Variants in DNAJC11 observed in about 807,000 individuals in gnomAD.
DNAJC11 encodes the protein dnaJ homolog subfamily C member 11.
Under a neutral mutation model 78.6 loss-of-function variants are expected in DNAJC11, and 15 were observed. The observed-to-expected ratio is 0.19, with a 90% CI of 0.13 to 0.29. The LOEUF (loss-of-function observed/expected upper bound fraction) is 0.29, where lower values mean the gene tolerates loss of function less well. Ranked by LOEUF, DNAJC11 falls within the 10% of genes least tolerant of loss-of-function variation. The probability of loss-of-function intolerance (pLI) is 1.00; values close to 1 mark genes in which losing one functional copy is unlikely to be tolerated. For synonymous variants in DNAJC11, 292 were observed against 272.1 expected (o/e 1.07, Z -0.72); for missense variants, 547 against 709.6 (o/e 0.77, Z 2.60).
In DNAJC11 at chr1:6,634,655, C is replaced by T; in HGVS notation, c.*1020G>A. The stretch of plus-strand genomic sequence containing the variant: ...CCGAGGTCCAGGCCGTGGAGGGGGT[C>T]CTAGCTCCGCTGCATTCTGCATCCC... On this transcript the variant is annotated 3_prime_UTR_variant, in exon 16 of 16. Transcript: ENST00000377577. The T allele has an allele frequency of 7.3e-7, 1 of 1,366,440 alleles. No homozygotes were observed. The highest frequency in any genetic ancestry group is 9.8e-7 in the Non-Finnish European group (1 of 1,021,816). The allele number at this position is 1,366,440 out of a possible 1,614,324, so 84.6% of individuals were successfully genotyped here.
chr1:6,668,140 C>A, intron 3 of DNAJC11: 1 of 241,754 alleles, frequency 4.1e-6, no homozygotes, highest in South Asian at 8.9e-5. Context: ...GAATTTCTTT[C>A]TTTTTTTTCT....
chr1:6,680,841 A>G lies in DNAJC11; in HGVS notation c.202+67T>C, dbSNP rs1642539783. On this transcript the variant is annotated intron_variant, in intron 2 of 15. Transcript: ENST00000377577. The surrounding 1 kb of genome is among the most constrained non-coding windows in gnomAD (Gnocchi z 4.0). ...GACTCTCTTTTTCTATCCTCTACAA[A>G]TCGCACCTCCTAAAAATCGAATATC... 1 of 1,585,538 alleles carries G rather than the reference A, an allele frequency of 6.3e-7. No individual in the cohort carries two copies. Among genetic ancestry groups the G allele is most frequent in the South Asian group, 1.1e-5 (1 of 88,062 alleles).
intron 3 of DNAJC11, among the ~76,000 whole-genome samples, chr1:6,674,873 A>G (rs1442973030): frequency 6.6e-6 from 1 of 152,224 alleles, no homozygotes; most frequent in East Asian, 1.9e-4. Flanking sequence ...TCAGACACTC[A>G]GGATACCAAC....
intron 4 of DNAJC11, among the ~76,000 whole-genome samples, chr1:6,664,400 C>T (rs1006602611): frequency 1.3e-5 from 2 of 152,032 alleles, no homozygotes; most frequent in African/African-American, 4.8e-5. Context: ...CCACCACACC[C>T]GGCTAATTTT....
rs1642090172 is a variant in DNAJC11, at chr1:6,653,849, G to A, written c.507+62C>T. 20 of 1,586,170 alleles carry A rather than the reference G, an allele frequency of 1.3e-5. No individual in the cohort carries two copies. The highest frequency in any genetic ancestry group is 6.7e-5 in the South Asian group (6 of 89,754). ...GGCAGACTCTCATTCCAGCTGCTTGGTGTGCTGTGCCTCATTAACTCGAGC... is the reference window on the plus strand; with the variant it reads ...GGCAGACTCTCATTCCAGCTGCTTGATGTGCTGTGCCTCATTAACTCGAGC... On this transcript the variant is annotated intron_variant, in intron 5 of 15. Coordinates refer to ENST00000377577, the MANE Select transcript of DNAJC11 (RefSeq NM_018198.4). The surrounding 1 kb of genome is among the most constrained non-coding windows in gnomAD (Gnocchi z 4.5).
At chr1:6,667,920 G>C (rs748182246) in intron 3 of DNAJC11, 110 bp from the exon 4 acceptor site, 3 of 972,996 alleles carry the variant, frequency 3.1e-6, no homozygotes, top group Non-Finnish European at 4.8e-6. Context: ...CCTGGGGTCC[G>C]GCCACAGCCT....
In DNAJC11 at chr1:6,634,405, A is replaced by G; in HGVS notation, c.*1270T>C. On this transcript the variant is annotated 3_prime_UTR_variant, in exon 16 of 16. Coordinates refer to ENST00000377577, the MANE Select transcript of DNAJC11 (RefSeq NM_018198.4). ...ACAACCCGAACTGCTTTTCAAAACCAGAGGAAGGAGGTTCTTAGCCGTTAC... is the reference window on the plus strand; with the variant it reads ...ACAACCCGAACTGCTTTTCAAAACCGGAGGAAGGAGGTTCTTAGCCGTTAC... The G allele has an allele frequency of 8.2e-7, 1 of 1,226,600 alleles. No homozygotes were observed. 76.0% of individuals were successfully genotyped at this position (1,226,600 alleles called of 1,614,324 possible).
chr1:6,651,201 A>G (rs537687936), intron 7 of DNAJC11: 12 of 578,916 alleles, frequency 2.1e-5, no homozygotes, highest in Middle Eastern at 2.9e-4. Flanking sequence ...GGAACGATCC[A>G]TAAGTCTGTA....
chr1:6,679,060 A>G (rs1010182281), intron 2 of DNAJC11, among the ~76,000 whole-genome samples: 1 of 152,226 alleles, frequency 6.6e-6, no homozygotes, highest in East Asian at 1.9e-4. Flanking sequence ...TGCACCATGC[A>G]GGAAGTGGCA....
intron 7 of DNAJC11, among the ~76,000 whole-genome samples, chr1:6,647,056 A>C (rs1641976786): frequency 1.3e-5 from 2 of 150,080 alleles, no homozygotes; most frequent in African/African-American, 2.4e-5. Flanking sequence ...CTGAGGAGGA[A>C]GGAGCACTTG....
intron 4 of DNAJC11, among the ~76,000 whole-genome samples, chr1:6,656,593 T>A (rs1642129621): frequency 6.6e-6 from 1 of 151,930 alleles, no homozygotes; most frequent in Non-Finnish European, 1.5e-5. Flanking sequence ...GTGTCAAAAA[T>A]TTCAGCTGAG....
At chr1:6,652,419 A>G (rs1363614585) in intron 6 of DNAJC11, among the ~76,000 whole-genome samples, 1 of 152,138 alleles carries the variant, frequency 6.6e-6, no homozygotes, top group African/African-American at 2.4e-5. Flanking sequence ...GACTTCTCAG[A>G]TATGAGACCT....
chr1:6,685,699 G>A (rs1642645629), intron 1 of DNAJC11, among the ~76,000 whole-genome samples: 1 of 152,162 alleles, frequency 6.6e-6, no homozygotes, highest in Admixed American at 6.5e-5. Flanking sequence ...TAAAACCTGA[G>A]TTTTCCTTTT....
chr1:6,684,182 G>C (rs1481385951), intron 1 of DNAJC11, among the ~76,000 whole-genome samples: 2 of 151,688 alleles, frequency 1.3e-5, no homozygotes, highest in Admixed American at 1.3e-4. Flanking sequence ...CTGGGTTCAA[G>C]TAATTGTCCT....
Position 6,652,970 on chromosome 1 carries a change from G to A in DNAJC11, c.508-19C>T, listed in dbSNP as rs374473869. On this transcript the variant is annotated intron_variant, in intron 5 of 15. Coordinates refer to ENST00000377577, the MANE Select transcript of DNAJC11 (RefSeq NM_018198.4). The stretch of plus-strand genomic sequence containing the variant: ...AGGGTGCCTAAAAATGGTATTTGCT[G>A]GTAATGAATGAATCAAAACAACAGG... The A allele has an allele frequency of 4.2e-5, 67 of 1,613,558 alleles. No homozygotes were observed. The highest frequency in any genetic ancestry group is 5.3e-5 in the African/African-American group (4 of 74,856).
chr1:6,645,845 T>C lies in DNAJC11; in HGVS notation c.838A>G (p.Met280Val). The C allele has an allele frequency of 3.1e-6, 5 of 1,614,198 alleles. No homozygotes were observed. Among genetic ancestry groups the C allele is most frequent in the Non-Finnish European group, 4.2e-6 (5 of 1,180,040 alleles). Reference sequence around the variant, plus strand: ...GTGTCTCGGACGATGCTAGTGTTCATGGCTGACTGGATACCCCATCGCCAC... The same window carrying C: ...GTGTCTCGGACGATGCTAGTGTTCACGGCTGACTGGATACCCCATCGCCAC... ...LQWRWGIQSA[M>V]NTSIVRDTKT... The change falls in exon 8 of 16, where the codon ATG becomes GTG. Residue 280 changes from methionine (M) to valine (V), a missense_variant. By Grantham distance (21) the Met-to-Val change is conservative. Transcript: ENST00000377577. This position sits in a 1 kb window ranked among gnomAD's most constrained non-coding sequence, Gnocchi z 4.1.
intron 11 of DNAJC11, among the ~76,000 whole-genome samples, chr1:6,639,597 G>T (rs1641843126): frequency 6.6e-6 from 1 of 152,180 alleles, no homozygotes; most frequent in Non-Finnish European, 1.5e-5. Context: ...CTTCCAAAGT[G>T]CTGGGAATAC....
intron 7 of DNAJC11, among the ~76,000 whole-genome samples, chr1:6,650,786 T>C (rs1642041848): frequency 6.6e-6 from 1 of 151,948 alleles, no homozygotes; most frequent in East Asian, 1.9e-4. Context: ...GACAGGAGAA[T>C]AGCTTGAACC....
intron 3 of DNAJC11, among the ~76,000 whole-genome samples, chr1:6,668,933 T>C (rs1360636503): frequency 1.3e-5 from 2 of 151,638 alleles, no homozygotes; most frequent in Non-Finnish European, 2.9e-5. Flanking sequence ...ACGCCTGTAA[T>C]CCCAGCACTT....
Sources: gnomAD v4.1 joint callset for allele counts (sites outside exome capture counted in the v4.1 genomes callset) on GRCh38, gnomAD v4.1.1 for gene constraint, Gnocchi (gnomAD v3.1) non-coding constraint, MANE v1.5 for transcripts, NCBI Gene and HGNC (gene_info 2026-07-23, HGNC 2026-07-21) for gene names.